PVT1: variants seen among roughly 807,000 people sequenced by gnomAD.
PVT1 encodes CXCR4/PVT1 fusion.
At chr8:127,882,493 T>C (rs1183069088) in intron 2 of PVT1, among the ~76,000 whole-genome samples, 2 of 152,114 alleles carry the variant, frequency 1.3e-5, no homozygotes, top group African/African-American at 4.8e-5. Flanking sequence ...AAATCTTTTT[T>C]TTTTTTTGAG....
intron 3 of PVT1, among the ~76,000 whole-genome samples, chr8:127,935,677 G>A (rs985676325): frequency 2.8e-4 from 43 of 151,808 alleles, no homozygotes; most frequent in African/African-American, 1.0e-3. Context: ...AATCGTGGGA[G>A]GTTACTTAAT....
chr8:128,012,354 T>G (rs1817324021), intron 4 of PVT1, among the ~76,000 whole-genome samples: 1 of 152,222 alleles, frequency 6.6e-6, no homozygotes, highest in Admixed American at 6.5e-5. Context: ...TGTTTTTCTG[T>G]TTGTTTTGCA....
chr8:128,023,841 AAGG>A (rs1188780771), intron 4 of PVT1, among the ~76,000 whole-genome samples: 1 of 152,210 alleles, frequency 6.6e-6, no homozygotes, highest in African/African-American at 2.4e-5. Context: ...TACATTCTTC[AAGG>A]AGAAAACAGC....
At chr8:128,093,356 G>A (rs1814384523) in intron 5 of PVT1, among the ~76,000 whole-genome samples, 1 of 152,030 alleles carries the variant, frequency 6.6e-6, no homozygotes, top group African/African-American at 2.4e-5. Context: ...TCAGGAGTTC[G>A]AGACCAGCCT....
intron 5 of PVT1, among the ~76,000 whole-genome samples, chr8:128,086,599 C>A (rs142992754): frequency 1.3e-4 from 20 of 152,366 alleles, no homozygotes; most frequent in African/African-American, 4.6e-4. Context: ...CCAAAGCTCA[C>A]ACCACAACAG....
chr8:128,084,179 A>T (rs1235067022), intron 5 of PVT1, among the ~76,000 whole-genome samples: 1 of 152,076 alleles, frequency 6.6e-6, no homozygotes, highest in African/African-American at 2.4e-5. Context: ...CTTCCCATGG[A>T]TCTCATCTCA....
chr8:127,991,909 C>T (rs1817046398), intron 4 of PVT1, among the ~76,000 whole-genome samples: 1 of 152,174 alleles, frequency 6.6e-6, no homozygotes. Flanking sequence ...AGGAGGGCAT[C>T]CTCACCTTTC....
intron 4 of PVT1, among the ~76,000 whole-genome samples, chr8:128,044,265 A>G (rs958072480): frequency 6.6e-6 from 1 of 151,582 alleles, no homozygotes; most frequent in Non-Finnish European, 1.5e-5. Context: ...ACCTATCATC[A>G]TCTGACCCAG....
chr8:127,964,078 C>T (rs1323905558), intron 3 of PVT1, among the ~76,000 whole-genome samples: 1 of 152,196 alleles, frequency 6.6e-6, no homozygotes, highest in Non-Finnish European at 1.5e-5. Context: ...TGAAGGAGTG[C>T]CATGACGACG....
At chr8:127,982,600 A>G (rs1336918133) in intron 3 of PVT1, among the ~76,000 whole-genome samples, 1 of 152,010 alleles carries the variant, frequency 6.6e-6, no homozygotes, top group Non-Finnish European at 1.5e-5. Flanking sequence ...GCTTGAGCTC[A>G]AGAGTTCCAG....
intron 5 of PVT1, chr8:128,082,957 C>G (rs1814206107): frequency 6.6e-6 from 1 of 152,200 alleles, no homozygotes; most frequent in Admixed American, 6.5e-5. Flanking sequence ...GTCACTCTAA[C>G]TTGGATTGTT....
At chr8:127,967,951 G>A (rs911781484) in intron 3 of PVT1, among the ~76,000 whole-genome samples, 2 of 152,204 alleles carry the variant, frequency 1.3e-5, no homozygotes, top group Non-Finnish European at 2.9e-5. Flanking sequence ...TTGAGAGGGC[G>A]CTTTGGGTTT....
chr8:127,881,360 A>C (rs540984990), intron 2 of PVT1, among the ~76,000 whole-genome samples: 18 of 150,552 alleles, frequency 1.2e-4, no homozygotes, highest in Admixed American at 1.2e-3. Flanking sequence ...ACATGTTTCT[A>C]TTCCTTATTA....
At position 127,811,283 on chromosome 8, in the gene PVT1, T is replaced by A. The variant is rs879092986; in HGVS notation, n.372+15212T>A. 8.5e-5 allele frequency among the ~76,000 whole-genome samples: 13 copies of A among 152,342 alleles called. 1 individual carries two copies. Among genetic ancestry groups the A allele is most frequent in the Admixed American group, 8.5e-4 (13 of 15,302 alleles). On this transcript the variant is annotated intron_variant and non_coding_transcript_variant, in intron 2 of 10. Transcript: ENST00000651587. ...TTAAAATATAAACTCTCCTGATTTT[T>A]AAATGTTTTCAGTTAAGTTTTTAAA...
chr8:127,973,565 G>A (rs1188182528), intron 3 of PVT1, among the ~76,000 whole-genome samples: 1 of 151,792 alleles, frequency 6.6e-6, no homozygotes, highest in Non-Finnish European at 1.5e-5. Context: ...GAGGACAACT[G>A]TGTGTTGGGA....
At chr8:128,004,723 C>A (rs1299426833) in intron 4 of PVT1, among the ~76,000 whole-genome samples, 1 of 152,238 alleles carries the variant, frequency 6.6e-6, no homozygotes, top group Non-Finnish European at 1.5e-5. Flanking sequence ...CACTTTGCAG[C>A]TGTGCAGCCC....
intron 4 of PVT1, among the ~76,000 whole-genome samples, chr8:127,995,802 T>C (rs16902515): frequency 0.016 from 2,398 of 152,314 alleles, 71 homozygotes; most frequent in African/African-American, 0.054. Flanking sequence ...GAAATGGAAA[T>C]GATTACGTAA....
chr8:128,000,139 A>G (rs1817158323), intron 4 of PVT1, among the ~76,000 whole-genome samples: 2 of 152,014 alleles, frequency 1.3e-5, no homozygotes, highest in Admixed American at 1.3e-4. Context: ...CACTCCATAC[A>G]ACCTCTTCCC....
chr8:127,897,598 GGAA>G (rs1815696538), intron 3 of PVT1, among the ~76,000 whole-genome samples: 1 of 138,734 alleles, frequency 7.2e-6, no homozygotes, highest in Non-Finnish European at 1.5e-5. Context: ...GAGAGGGAGA[GGAA>G]GGAAGGAAGA....
Sources: allele counts gnomAD v4.1 joint callset (sites outside exome capture counted in the v4.1 genomes callset), GRCh38; gene constraint gnomAD v4.1.1; transcripts MANE v1.5; gene names NCBI Gene and HGNC (gene_info 2026-07-23, HGNC 2026-07-21).